CDKAL1: variants seen among roughly 807,000 people sequenced by gnomAD.
CDKAL1 encodes CDKAL1 threonylcarbamoyladenosine tRNA methylthiotransferase, also known as threonylcarbamoyladenosine tRNA methylthiotransferase.
CDKAL1 carries 32 observed loss-of-function variants against 68.2 expected under a neutral mutation model. The ratio of observed to expected loss-of-function variants is 0.47; its 90% confidence interval spans 0.35 to 0.63. CDKAL1 has a LOEUF of 0.63. CDKAL1 is among the 30% of genes least tolerant of loss of function. CDKAL1 has a pLI of 0.00. For synonymous variants in CDKAL1, 234 were observed against 244.3 expected, an observed-to-expected ratio of 0.96 and a Z score of 0.39; for missense variants, 606 against 696.7, an observed-to-expected ratio of 0.87 and a Z score of 1.47.
At chr6:20,858,190 A>G (rs1759436036) in intron 9 of CDKAL1, among the ~76,000 whole-genome samples, 1 of 152,184 alleles carries the variant, frequency 6.6e-6, no homozygotes, top group South Asian at 2.1e-4. Context: ...ACAGATTTCC[A>G]GGCTCTACCT....
intron 4 of CDKAL1, among the ~76,000 whole-genome samples, chr6:20,648,128 ATTT>A (rs547345216): frequency 1.5e-5 from 2 of 136,716 alleles, no homozygotes. Context: ...TACTGGGGGA[ATTT>A]TTTTTTTTTT....
chr6:20,865,642 A>AT (rs1759871229), intron 9 of CDKAL1, among the ~76,000 whole-genome samples: 1 of 151,590 alleles, frequency 6.6e-6, no homozygotes, highest in Non-Finnish European at 1.5e-5. Flanking sequence ...AAAAAAAAAA[A>AT]TCTGTTCTTA....
intron 5 of CDKAL1, among the ~76,000 whole-genome samples, chr6:20,703,526 TA>T (rs1338019021): frequency 6.6e-6 from 1 of 152,178 alleles, no homozygotes; most frequent in African/African-American, 2.4e-5. Context: ...GTGATTCATT[TA>T]AAAAATATAT....
intron 10 of CDKAL1, among the ~76,000 whole-genome samples, chr6:20,987,719 A>G (rs1172719307): frequency 6.6e-6 from 1 of 152,190 alleles, no homozygotes; most frequent in Non-Finnish European, 1.5e-5. Flanking sequence ...ATGCTGTGCT[A>G]TGACAAGATT....
Position 20,844,834 on chromosome 6 carries a change from A to G in CDKAL1, c.639-1241A>G, listed in dbSNP as rs142959434. On this transcript the variant is annotated intron_variant, in intron 8 of 15. Coordinates refer to ENST00000274695, the MANE Select transcript of CDKAL1 (RefSeq NM_017774.3). The stretch of plus-strand genomic sequence containing the variant: ...TTTTCCCTTTCCCCTTGTTATAGAA[A>G]GGGCAGAATATGTAAAGAGAAGACA... 3.9e-5 allele frequency among the ~76,000 whole-genome samples: 6 copies of G among 152,320 alleles called. No individual in the cohort carries two copies. The East Asian group carries it at 1.2e-3, about 29-fold the overall frequency.
chr6:21,153,052 T>C (rs1488915854), intron 13 of CDKAL1, among the ~76,000 whole-genome samples: 1 of 152,194 alleles, frequency 6.6e-6, no homozygotes, highest in Non-Finnish European at 1.5e-5. Context: ...TGTTCACTGG[T>C]TCAGAAGTAG....
At position 20,546,389 on chromosome 6, in the gene CDKAL1, CG is replaced by C; in HGVS notation, c.40del (p.Glu14LysfsTer17). ...CCTGTGATACACTACTGGATGACAT[CG>C]AAGATATCGTGTCTCAGGAAGATTC... The part of the protein sequence containing the change: ...ASCDTLLDDI[E>X]DIVSQEDSKP... On this transcript the variant is annotated frameshift_variant, in exon 3 of 16. Coordinates refer to ENST00000274695, the MANE Select transcript of CDKAL1 (RefSeq NM_017774.3). LOFTEE classifies it high-confidence loss of function. 2 of 1,613,678 alleles carry C rather than the reference CG, an allele frequency of 1.2e-6. No homozygotes were observed. The highest frequency in any genetic ancestry group is 1.7e-6 in the Non-Finnish European group (2 of 1,179,764).
intron 15 of CDKAL1, among the ~76,000 whole-genome samples, 167 bp downstream of exon 15, chr6:21,201,441 T>C (rs1490590192): frequency 6.6e-6 from 1 of 152,236 alleles, no homozygotes; most frequent in Non-Finnish European, 1.5e-5. Context: ...AGATGTGTTT[T>C]TGCTGATGCC....
intron 9 of CDKAL1, among the ~76,000 whole-genome samples, chr6:20,881,744 G>A (rs1199399914): frequency 1.3e-5 from 2 of 152,084 alleles, no homozygotes; most frequent in East Asian, 3.9e-4. Context: ...TTATGGTTGT[G>A]CATCTCATGT....
Position 20,739,107 on chromosome 6 carries a change from A to G in CDKAL1, c.372-412A>G, listed in dbSNP as rs185611520. ...TTTTTTTAAAGTATATTTTACTTTT[A>G]TATTGGTCAAAAGACTAGGAAATAG... On this transcript the variant is annotated intron_variant, in intron 5 of 15. Coordinates refer to ENST00000274695, the MANE Select transcript of CDKAL1 (RefSeq NM_017774.3). Among the ~76,000 whole-genome samples the G allele has an allele frequency of 4.4e-3, 663 of 152,182 alleles. 4 individuals carry two copies. Among genetic ancestry groups the G allele is most frequent in the African/African-American group, 0.014 (593 of 41,516 alleles).
In CDKAL1 at chr6:20,872,421, A is replaced by G. The variant is rs141325323; in HGVS notation, c.742+26243A>G. On this transcript the variant is annotated intron_variant, in intron 9 of 15. Coordinates refer to ENST00000274695, the MANE Select transcript of CDKAL1 (RefSeq NM_017774.3). ...AGAGAAAGATTAATTTGGGCTTTCA[A>G]GATGGTACAGGATTATAGAGGAGGT... 4.6e-5 allele frequency among the ~76,000 whole-genome samples: 7 copies of G among 152,344 alleles called. No individual in the cohort carries two copies. In the East Asian group the frequency reaches 1.2e-3, roughly 25 times the overall value.
At chr6:20,670,317 G>A (rs1769752548) in intron 5 of CDKAL1, among the ~76,000 whole-genome samples, 1 of 152,082 alleles carries the variant, frequency 6.6e-6, no homozygotes, top group Non-Finnish European at 1.5e-5. Flanking sequence ...GTTACCACTT[G>A]TATTCCATTG....
At chr6:21,037,594 C>T (rs1406962298) in intron 11 of CDKAL1, among the ~76,000 whole-genome samples, 1 of 152,130 alleles carries the variant, frequency 6.6e-6, no homozygotes. Context: ...ATGGTGGTGC[C>T]TAGCCATATG....
chr6:20,869,396 A>C (rs1760075500), intron 9 of CDKAL1, among the ~76,000 whole-genome samples: 1 of 152,226 alleles, frequency 6.6e-6, no homozygotes, highest in African/African-American at 2.4e-5. Context: ...GTATAATTTA[A>C]AGAGTAAATA....
intron 12 of CDKAL1, among the ~76,000 whole-genome samples, chr6:21,095,150 A>T (rs1047784028): frequency 6.6e-6 from 1 of 152,334 alleles, no homozygotes; most frequent in Non-Finnish European, 1.5e-5. Flanking sequence ...GTTGGCAGGG[A>T]TGGGAGAGCA....
At chr6:21,229,824 C>T (rs780066374) in intron 15 of CDKAL1, among the ~76,000 whole-genome samples, 59 of 152,138 alleles carry the variant, frequency 3.9e-4, no homozygotes, top group South Asian at 1.2e-3. Flanking sequence ...AATTGTGCTT[C>T]GAAACTAGAG....
intron 12 of CDKAL1, 41 bp from the exon 13 acceptor site, chr6:21,108,356 ATTGT>A (rs1374566241): frequency 1.5e-6 from 2 of 1,347,858 alleles, no homozygotes; most frequent in African/African-American, 1.5e-5. Flanking sequence ...TGTCAACTCA[ATTGT>A]TTGTATGTTG....
intron 3 of CDKAL1, among the ~76,000 whole-genome samples, chr6:20,548,379 G>A (rs1763685629): frequency 6.6e-6 from 1 of 151,900 alleles, no homozygotes; most frequent in Non-Finnish European, 1.5e-5. Flanking sequence ...CAAAAAATAA[G>A]AAAAATTAAC....
intron 13 of CDKAL1, among the ~76,000 whole-genome samples, chr6:21,138,237 CTGTGTG>C (rs144464167): frequency 1.3e-5 from 2 of 151,166 alleles, no homozygotes; most frequent in Non-Finnish European, 3.0e-5. Flanking sequence ...ATGTGTGTGT[CTGTGTG>C]TGTGTGTGTG....
Sources: gnomAD v4.1 joint callset for allele counts (sites outside exome capture counted in the v4.1 genomes callset) on GRCh38, gnomAD v4.1.1 for gene constraint, MANE v1.5 for transcripts, NCBI Gene and HGNC (gene_info 2026-07-23, HGNC 2026-07-21) for gene names.